The following STRN3 variants were observed in gnomAD, a reference collection of about 807,000 sequenced individuals.
STRN3 encodes striatin 3, also known as striatin-3.
Under a neutral mutation model 95.6 loss-of-function variants are expected in STRN3, and 29 were observed. The ratio of observed to expected loss-of-function variants is 0.30; its 90% CI spans 0.23 to 0.41. The LOEUF (loss-of-function observed/expected upper bound fraction) is 0.41. STRN3 is among the 10% of genes least tolerant of loss of function. The pLI is 1.00. For synonymous variants in STRN3, 331 were observed against 357.6 expected, an observed-to-expected ratio of 0.93 and a Z score of 0.84; for missense variants, 890 against 972.1, an observed-to-expected ratio of 0.92 and a Z score of 1.12.
chr14:30,994,777 CATA>C (rs1882123462), intron 1 of STRN3, among the ~76,000 whole-genome samples: 1 of 152,212 alleles, frequency 6.6e-6, no homozygotes, highest in African/African-American at 2.4e-5. Context: ...CTGAGTGCCT[CATA>C]ATAAGACATG....
intron 1 of STRN3, among the ~76,000 whole-genome samples, chr14:30,994,133 C>T (rs1882093816): frequency 6.6e-6 from 1 of 152,126 alleles, no homozygotes; most frequent in African/African-American, 2.4e-5. Flanking sequence ...GCCTCGGCCT[C>T]CCAAAGTGCT....
chr14:31,017,975 G>T (rs1229925679), intron 1 of STRN3, among the ~76,000 whole-genome samples: 1 of 151,662 alleles, frequency 6.6e-6, no homozygotes, highest in African/African-American at 2.4e-5. Flanking sequence ...CTACTCAAGG[G>T]GCTGAGGCAG....
chr14:30,912,872 C>T (rs1057293560), intron 10 of STRN3, among the ~76,000 whole-genome samples: 1 of 151,072 alleles, frequency 6.6e-6, no homozygotes, highest in Non-Finnish European at 1.5e-5. Flanking sequence ...AAGTATAAAA[C>T]GTGGAAAAAA....
At chr14:30,989,767 G>GGCACT (rs1881864713) in intron 1 of STRN3, among the ~76,000 whole-genome samples, 2 of 150,604 alleles carry the variant, frequency 1.3e-5, no homozygotes, top group African/African-American at 5.0e-5. Context: ...CAAAACACAG[G>GGCACT]ATTTATAGCC....
intron 5 of STRN3, among the ~76,000 whole-genome samples, chr14:30,940,580 T>A (rs1879045139): frequency 6.6e-6 from 1 of 152,192 alleles, no homozygotes; most frequent in East Asian, 1.9e-4. Flanking sequence ...CTGGAAGATT[T>A]TAGAATTTCC....
intron 15 of STRN3, among the ~76,000 whole-genome samples, chr14:30,903,180 G>A (rs1896370874): frequency 6.6e-6 from 1 of 151,782 alleles, no homozygotes. Flanking sequence ...TAAATGGGGG[G>A]AAACTCCTCA....
intron 8 of STRN3, among the ~76,000 whole-genome samples, chr14:30,924,690 T>C (rs563505098): frequency 6.6e-6 from 1 of 152,226 alleles, no homozygotes; most frequent in Non-Finnish European, 1.5e-5. Flanking sequence ...AGATCCTGTC[T>C]ATTAAAAAAT....
intron 1 of STRN3, among the ~76,000 whole-genome samples, chr14:30,993,544 C>T (rs1158916090): frequency 2.6e-5 from 4 of 152,070 alleles, no homozygotes; most frequent in African/African-American, 9.7e-5. Flanking sequence ...GTCAGAACTT[C>T]CTTGTAGTAG....
At chr14:31,014,814 A>C (rs1202004652) in intron 1 of STRN3, 1 of 190,454 alleles carries the variant, frequency 5.3e-6, no homozygotes, top group Non-Finnish European at 1.0e-5. Context: ...AAACCACTTT[A>C]AAAAAAAAAA....
rs999672015 is a variant in STRN3 at position 30,929,146 on chromosome 14, C to A, written c.1099+55G>T. 5.6e-6 allele frequency: 8 copies of A among 1,434,396 alleles called. No individual in the cohort carries two copies. In the African/African-American group the frequency reaches 1.2e-4, roughly 21 times the overall value. The allele number at this position is 1,434,396 out of a possible 1,614,324, so 88.9% of individuals were successfully genotyped here. ...TACACAAAGAAACAGAATTGAAGAA[C>A]TTTTTTCTCAATTATTGGTATACAA... On this transcript the variant is annotated intron_variant, in intron 8 of 17. Transcript: ENST00000357479.
intron 5 of STRN3, among the ~76,000 whole-genome samples, chr14:30,941,729 G>A (rs1454568564): frequency 2.0e-5 from 3 of 152,176 alleles, no homozygotes; most frequent in East Asian, 3.9e-4. Flanking sequence ...AGGTTCAAGC[G>A]ATTCTCATGC....
intron 1 of STRN3, among the ~76,000 whole-genome samples, chr14:30,986,863 T>A (rs1419411748): frequency 6.6e-6 from 1 of 152,234 alleles, no homozygotes; most frequent in African/African-American, 2.4e-5. Context: ...ATGGTGAATT[T>A]CATCTCTCAC....
intron 1 of STRN3, among the ~76,000 whole-genome samples, chr14:31,013,886 T>TTGAGACAGAGTGTC (rs1555327131): frequency 1.5e-5 from 2 of 136,194 alleles, no homozygotes; most frequent in Admixed American, 7.4e-5. Flanking sequence ...TTATTATTAT[T>TTGAGACAGAGTGTC]ATTATTATTA....
At chr14:30,909,128 T>C (rs1896544251) in intron 13 of STRN3, among the ~76,000 whole-genome samples, 1 of 152,230 alleles carries the variant, frequency 6.6e-6, no homozygotes, top group East Asian at 1.9e-4. Flanking sequence ...TTTGTGAATG[T>C]TCTGAAATTA....
chr14:30,911,245 T>C, intron 12 of STRN3, 83 bp from the exon 13 acceptor site: 2 of 1,442,778 alleles, frequency 1.4e-6, no homozygotes, highest in Non-Finnish European at 1.9e-6. Flanking sequence ...CCTCTGAATT[T>C]ATGTAATATC....
chr14:30,997,757 G>A (rs1882271158), intron 1 of STRN3, among the ~76,000 whole-genome samples: 1 of 152,108 alleles, frequency 6.6e-6, no homozygotes, highest in South Asian at 2.1e-4. Context: ...AGGAACCCGT[G>A]CATCCTTATT....
chr14:30,988,868 A>G (rs1400521327), intron 1 of STRN3, among the ~76,000 whole-genome samples: 1 of 152,252 alleles, frequency 6.6e-6, no homozygotes, highest in African/African-American at 2.4e-5. Flanking sequence ...CAGGAAGTGA[A>G]TATTCCAGCT....
At chr14:30,967,621 G>A (rs1378222616) in intron 1 of STRN3, among the ~76,000 whole-genome samples, 1 of 152,164 alleles carries the variant, frequency 6.6e-6, no homozygotes, top group Non-Finnish European at 1.5e-5. Flanking sequence ...ATCTGTAGCG[G>A]CAACTGCTTT....
rs1306211558 is a variant in STRN3 at position 30,902,553 on chromosome 14, A to T, written c.2120T>A (p.Phe707Tyr). 5.6e-6 allele frequency: 9 copies of T among 1,599,274 alleles called. No homozygotes were observed. In the African/African-American group the frequency reaches 1.2e-4, roughly 22 times the overall value. Reference sequence around the variant, plus strand: ...TTGCTTACCCGTTTTATTGTCAAAAAATTTGATGTGTCTATCTTCATGAGC... The same window carrying T: ...TTGCTTACCCGTTTTATTGTCAAAATATTTGATGTGTCTATCTTCATGAGC... ...ITAHEDRHIK[F>Y]FDNKTGKMIH... Residue 707 changes from phenylalanine (F) to tyrosine (Y), a missense_variant, in exon 16 of 18, where the codon TTT (phenylalanine) becomes TAT (tyrosine). Phe to Tyr is a conservative substitution (Grantham distance 22). Coordinates refer to ENST00000357479, the MANE Select transcript of STRN3 (RefSeq NM_001083893.2).
Sources: gnomAD v4.1 joint callset for allele counts (sites outside exome capture counted in the v4.1 genomes callset) on GRCh38, gnomAD v4.1.1 for gene constraint, MANE v1.5 for transcripts, NCBI Gene and HGNC (gene_info 2026-07-23, HGNC 2026-07-21) for gene names.